PCLAF: variants seen among roughly 807,000 people sequenced by gnomAD.
PCLAF encodes PCNA-associated factor.
A neutral mutation model predicts 15.1 loss-of-function variants in PCLAF; 12 were observed. The ratio of observed to expected loss-of-function variants is 0.79; its 90% confidence interval spans 0.51 to 1.29. The LOEUF (loss-of-function observed/expected upper bound fraction) is 1.29. PCLAF is among the 50% of genes most tolerant of loss of function. PCLAF has a pLI of 0.00. For synonymous variants in PCLAF, 33 were observed against 47.1 expected, an observed-to-expected ratio of 0.70 and a Z score of 1.22; for missense variants, 116 against 130.9, an observed-to-expected ratio of 0.89 and a Z score of 0.56.
chr15:64,377,757 T>C (rs1294006521), intron 2 of PCLAF, among the ~76,000 whole-genome samples: 1 of 105,136 alleles, frequency 9.5e-6, no homozygotes, highest in Non-Finnish European at 2.0e-5. Context: ...GTTTTTTTTT[T>C]TTTTTTTTTT....
At chr15:64,372,504 C>T (rs1372477171) in intron 3 of PCLAF, among the ~76,000 whole-genome samples, 1 of 152,028 alleles carries the variant, frequency 6.6e-6, no homozygotes. Context: ...GTCCCAGCTG[C>T]TGGGGAGGCT....
In PCLAF at chr15:64,377,747, G is replaced by GT. The variant is rs34009261; in HGVS notation, c.128-843dup. 8.9e-3 allele frequency among the ~76,000 whole-genome samples: 269 copies of GT among 30,082 alleles called. 52 individuals are homozygous for GT. Among genetic ancestry groups the GT allele is most frequent in the African/African-American group, 0.024 (235 of 9,768 alleles). The allele number at this position is 30,082 out of a possible 152,430, so 19.7% of individuals were successfully genotyped here. A position where few individuals can be genotyped will look rare whatever the true frequency, so the allele number is the denominator to read the frequency against. On this transcript the variant is annotated intron_variant, in intron 2 of 3. Transcript: ENST00000300035. Reference sequence around the variant, plus strand: ...TCATAAGAGAAGTCCAATTCCTGGTGTTTTTTTTTTTTTTTTTTTTTTTTT... The same window carrying GT: ...TCATAAGAGAAGTCCAATTCCTGGTGTTTTTTTTTTTTTTTTTTTTTTTTTT...
At chr15:64,368,356 A>G (rs746378521) in intron 3 of PCLAF, among the ~76,000 whole-genome samples, 1 of 152,168 alleles carries the variant, frequency 6.6e-6, no homozygotes, top group African/African-American at 2.4e-5. Flanking sequence ...TCATTAACTC[A>G]GTATTAGATA....
chr15:64,368,282 C>T (rs955291146), intron 3 of PCLAF, among the ~76,000 whole-genome samples: 1 of 151,772 alleles, frequency 6.6e-6, no homozygotes, highest in East Asian at 1.9e-4. Context: ...GAGGTGGACT[C>T]CAGCCTGGGC....
chr15:64,381,364 C>G lies in PCLAF; in HGVS notation c.8G>C (p.Arg3Pro). 6.2e-7 allele frequency: 1 copy of G among 1,614,106 alleles called. No homozygotes were observed. The highest frequency in any genetic ancestry group is 8.5e-7 in the Non-Finnish European group (1 of 1,180,024). MVRTKADSVPGTY... is the reference protein window; with the variant it reads MVPTKADSVPGTY... ...GCCTGGAACACTGTCTGCTTTAGTC[C>G]GCACCATGTTCAAACAAGAAGAGAG... The change falls in exon 1 of 4, where the codon CGG (arginine) becomes CCG (proline). Residue 3 changes from arginine to proline, a missense_variant. By Grantham distance (103) the Arg-to-Pro change is moderately radical. Coordinates refer to ENST00000300035, the MANE Select transcript of PCLAF (RefSeq NM_014736.6).
At chr15:64,381,545 A>C, upstream of PCLAF, 1 of 1,480,934 alleles carries the variant, frequency 6.8e-7, no homozygotes, top group Non-Finnish European at 9.0e-7. Flanking sequence ...TTCCCCCTGA[A>C]CCAATTGCCA....
chr15:64,368,784 T>C lies in PCLAF; in HGVS notation c.291-2709A>G, dbSNP rs530668324. 5.9e-5 allele frequency among the ~76,000 whole-genome samples: 9 copies of C among 152,256 alleles called. 1 individual carries two copies. The highest frequency in any genetic ancestry group is 1.9e-4 in the African/African-American group (8 of 41,536). On this transcript the variant is annotated intron_variant, in intron 3 of 3. Coordinates refer to ENST00000300035, the MANE Select transcript of PCLAF (RefSeq NM_014736.6). ...GATTAAAGTTCTTTATGAGAATACA[T>C]GTGTAATCTCTTTTCATATGGTGGG...
At position 64,377,747 on chromosome 15, in the gene PCLAF, GTTTTTTTT is replaced by G. The variant is rs34009261; in HGVS notation, c.128-850_128-843del. Among the ~76,000 whole-genome samples, 228 of 30,100 alleles carry G rather than the reference GTTTTTTTT, an allele frequency of 7.6e-3. 1 individual carries two copies. The highest frequency in any genetic ancestry group is 0.012 in the Non-Finnish European group (189 of 15,254). 19.7% of individuals were successfully genotyped at this position (30,100 alleles called of 152,430 possible). On this transcript the variant is annotated intron_variant, in intron 2 of 3. Coordinates refer to ENST00000300035, the MANE Select transcript of PCLAF (RefSeq NM_014736.6). The stretch of plus-strand genomic sequence containing the variant: ...TCATAAGAGAAGTCCAATTCCTGGT[GTTTTTTTT>G]TTTTTTTTTTTTTTTTTTCAAAGTC...
upstream of PCLAF, among the ~76,000 whole-genome samples, chr15:64,385,428 C>T (rs1412213835): frequency 1.3e-5 from 2 of 151,822 alleles, no homozygotes; most frequent in East Asian, 3.9e-4. Flanking sequence ...GAGTTTGAGA[C>T]CAGCCTGACC....
At chr15:64,367,147 A>G (rs984237034) in intron 3 of PCLAF, among the ~76,000 whole-genome samples, 2 of 151,956 alleles carry the variant, frequency 1.3e-5, no homozygotes, top group South Asian at 2.1e-4. Context: ...AGAAGAAGAA[A>G]AAAGAAAAAC....
upstream of PCLAF, chr15:64,382,532 C>T (rs902878421): frequency 6.5e-6 from 1 of 153,892 alleles, no homozygotes; most frequent in Admixed American, 6.4e-5. Flanking sequence ...AACGAAAAGA[C>T]CCTGCCAAAT....
intron 3 of PCLAF, among the ~76,000 whole-genome samples, chr15:64,367,640 C>T (rs989801902): frequency 6.6e-6 from 1 of 151,772 alleles, no homozygotes; most frequent in Non-Finnish European, 1.5e-5. Flanking sequence ...CTCTGCCTCC[C>T]GGGTTCAAGC....
exon 1 of PCLAF, chr15:64,387,639 T>G: frequency 7.1e-7 from 1 of 1,413,318 alleles, no homozygotes. Flanking sequence ...TTGGCAAGAA[T>G]CATGCACTGA....
upstream of PCLAF, among the ~76,000 whole-genome samples, chr15:64,385,579 T>G (rs1383948501): frequency 6.6e-6 from 1 of 151,212 alleles, no homozygotes; most frequent in African/African-American, 2.4e-5. Context: ...GAGCCAAGAT[T>G]GCACTATTGC....
upstream of PCLAF, among the ~76,000 whole-genome samples, chr15:64,383,367 G>GT (rs1370037762): frequency 6.7e-6 from 1 of 149,146 alleles, no homozygotes; most frequent in Non-Finnish European, 1.5e-5. Context: ...TTTTTTGTGT[G>GT]TGTGTTTTTT....
At chr15:64,373,811 C>T in intron 3 of PCLAF, 1 of 1,526,700 alleles carries the variant, frequency 6.6e-7, no homozygotes, top group Non-Finnish European at 8.8e-7. Flanking sequence ...CAAGGGGCAT[C>T]ATAATGGCAG....
exon 1 of PCLAF, chr15:64,387,559 T>G: frequency 6.1e-5 from 81 of 1,329,030 alleles, no homozygotes; most frequent in East Asian, 1.6e-4. Flanking sequence ...AAACTGTCGT[T>G]TTTATAGGCA....
At chr15:64,375,051 T>A (rs1899551810) in intron 3 of PCLAF, among the ~76,000 whole-genome samples, 1 of 152,158 alleles carries the variant, frequency 6.6e-6, no homozygotes, top group African/African-American at 2.4e-5. Context: ...CATGGTATTA[T>A]TCCTAGTTGG....
At chr15:64,381,060 G>C in intron 1 of PCLAF, 22 bp from the exon 2 acceptor site, 1 of 1,613,036 alleles carries the variant, frequency 6.2e-7, no homozygotes, top group Non-Finnish European at 8.5e-7. Context: ...GGCAAAAAAG[G>C]GTGTTCAGAA....
Sources: gnomAD v4.1 joint callset for allele counts (sites outside exome capture counted in the v4.1 genomes callset) on GRCh38, gnomAD v4.1.1 for gene constraint, MANE v1.5 for transcripts, NCBI Gene and HGNC (gene_info 2026-07-23, HGNC 2026-07-21) for gene names.